KCTD7: variants seen among roughly 807,000 people sequenced by gnomAD.
KCTD7 encodes BTB/POZ domain-containing protein KCTD7.
In KCTD7, 15 loss-of-function variants were observed where a neutral mutation model predicts 27.0. That is an observed-to-expected ratio of 0.56 (90% CI 0.37 to 0.86). KCTD7 has a LOEUF of 0.86. Among genes scored for constraint, KCTD7 ranks in the 40% least tolerant of loss-of-function variants. The pLI is 0.00. For missense variants in KCTD7, 299 were observed against 398.9 expected, an observed-to-expected ratio of 0.75 and a Z score of 2.13; for synonymous variants, 159 against 162.7, an observed-to-expected ratio of 0.98 and a Z score of 0.17.
chr7:66,632,359 C>T lies in KCTD7; in HGVS notation c.145-916C>T, dbSNP rs1055850219. Among the ~76,000 whole-genome samples, 4 of 151,732 alleles carry T rather than the reference C, an allele frequency of 2.6e-5. No homozygotes were observed. The East Asian group carries it at 5.8e-4, about 22-fold the overall frequency. On this transcript the variant is annotated intron_variant, in intron 1 of 3. Transcript: ENST00000639828. Reference sequence around the variant, plus strand: ...AAAATTAGCCAGTCGTGGTGGCAGGCACCTGTAGTCCCAGCTACTCGGGAG... The same window carrying T: ...AAAATTAGCCAGTCGTGGTGGCAGGTACCTGTAGTCCCAGCTACTCGGGAG...
rs976860162 is a variant in KCTD7, at chr7:66,642,787, C to G, written c.*3555C>G. ...GCACTTTTTGGAATTCTGAAAGAAT[C>G]ATATCTGTGTATATACATACTGAGT... On this transcript the variant is annotated 3_prime_UTR_variant, in exon 4 of 4. Transcript: ENST00000639828. 1.0e-6 allele frequency: 1 copy of G among 984,966 alleles called. No homozygotes were observed. The highest frequency in any genetic ancestry group is 4.7e-5 in the South Asian group (1 of 21,256). 61.0% of individuals were successfully genotyped at this position (984,966 alleles called of 1,614,324 possible). A position where few individuals can be genotyped will look rare whatever the true frequency, so the allele number is the denominator to read the frequency against.
In KCTD7 at chr7:66,638,223, T is replaced by G. The variant is rs1226921443; in HGVS notation, c.315-30T>G. The G allele has an allele frequency of 3.7e-6, 6 of 1,613,720 alleles. No homozygotes were observed. In the South Asian group the frequency reaches 5.5e-5, roughly 15 times the overall value. ...GCACTGCCCAGGAGCATAAGCTCCT[T>G]GTCACCGACCCTCTTTCCTTCCTGC... On this transcript the variant is annotated intron_variant, in intron 2 of 3. Coordinates refer to ENST00000639828, the MANE Select transcript of KCTD7 (RefSeq NM_153033.5).
In KCTD7 at chr7:66,629,016, C is replaced by T. The variant is rs374505432; in HGVS notation, c.-49C>T. ...CTCGGCGGTAGGGAGTGCCCGGGGC[C>T]GCCGCCTCCGCCCGCCCGAAGCCGC... On this transcript the variant is annotated 5_prime_UTR_variant, in exon 1 of 4. Transcript: ENST00000639828. The T allele has an allele frequency of 9.1e-5, 134 of 1,473,840 alleles. 2 individuals are homozygous for T. Among genetic ancestry groups the T allele is most frequent in the East Asian group, 8.8e-4 (29 of 32,866 alleles). The allele number at this position is 1,473,840 out of a possible 1,614,324, so 91.3% of individuals were successfully genotyped here. A position where few individuals can be genotyped will look rare whatever the true frequency, so the allele number is the denominator to read the frequency against.
intron 3 of KCTD7, 59 bp from the exon 4 acceptor site, chr7:66,638,797 C>T (rs779076635): frequency 7.4e-5 from 119 of 1,601,580 alleles, no homozygotes; most frequent in Non-Finnish European, 9.0e-5. Context: ...CTCTGTGCAT[C>T]TCTGCTGCCC....
chr7:66,642,877 C>T lies in KCTD7; in HGVS notation c.*3645C>T. 1.0e-6 allele frequency: 1 copy of T among 985,498 alleles called. No individual in the cohort carries two copies. Among genetic ancestry groups the T allele is most frequent in the South Asian group, 4.7e-5 (1 of 21,270 alleles). 61.0% of individuals were successfully genotyped at this position (985,498 alleles called of 1,614,324 possible). Reference sequence around the variant, plus strand: ...AACAAACAGTGAGTATGGGAACAGGCAGTCACCTCGAGTGTGGGAGGTCAC... The same window carrying T: ...AACAAACAGTGAGTATGGGAACAGGTAGTCACCTCGAGTGTGGGAGGTCAC... On this transcript the variant is annotated 3_prime_UTR_variant, in exon 4 of 4. Transcript: ENST00000639828.
At chr7:66,634,113 C>T (rs371437757) in intron 2 of KCTD7, among the ~76,000 whole-genome samples, 24 of 132,248 alleles carry the variant, frequency 1.8e-4, no homozygotes, top group Middle Eastern at 3.8e-3. Context: ...TGTGTGTATA[C>T]ATATATATAT....
At chr7:66,633,592 A>AT in intron 2 of KCTD7, 148 bp downstream of exon 2, 4 of 764,118 alleles carry the variant, frequency 5.2e-6, no homozygotes, top group Non-Finnish European at 4.2e-6. Flanking sequence ...GAAAGAGATC[A>AT]ATTTTTTTTT....
At position 66,640,403 on chromosome 7, in the gene KCTD7, A is replaced by G. The variant is rs1786688648; in HGVS notation, c.*1171A>G. 6.5e-7 allele frequency: 1 copy of G among 1,537,088 alleles called. No homozygotes were observed. Among genetic ancestry groups the G allele is most frequent in the South Asian group, 1.2e-5 (1 of 84,058 alleles). On this transcript the variant is annotated 3_prime_UTR_variant, in exon 4 of 4. Transcript: ENST00000639828. ...TACTCCTCTATTTCAGAAATTGAAA[A>G]AGATCCCCAAGGATCTGTTACTACT...
In KCTD7 at chr7:66,628,982, C is replaced by T. The variant is rs958093696; in HGVS notation, c.-83C>T. ...CAGCCCGCAGCCGGCCGCGTCATGC[C>T]AGGCGCTGCTCGGCGGTAGGGAGTG... is the stretch of plus-strand genomic sequence containing the variant. On this transcript the variant is annotated 5_prime_UTR_variant, in exon 1 of 4. Coordinates refer to ENST00000639828, the MANE Select transcript of KCTD7 (RefSeq NM_153033.5). 1.0e-5 allele frequency: 14 copies of T among 1,387,684 alleles called. No individual in the cohort carries two copies. The highest frequency in any genetic ancestry group is 6.0e-5 in the African/African-American group (4 of 66,196). The allele number at this position is 1,387,684 out of a possible 1,614,324, so 86.0% of individuals were successfully genotyped here.
chr7:66,631,706 G>GAA (rs34184629), intron 1 of KCTD7, among the ~76,000 whole-genome samples: 3 of 144,406 alleles, frequency 2.1e-5, no homozygotes, highest in East Asian at 2.0e-4. Context: ...TGCAAAACAG[G>GAA]AAAAAAAAAA....
chr7:66,640,800 C>A lies in KCTD7; in HGVS notation c.*1568C>A. 1 of 978,010 alleles carries A rather than the reference C, an allele frequency of 1.0e-6. No individual in the cohort carries two copies. The highest frequency in any genetic ancestry group is 4.7e-5 in the South Asian group (1 of 21,398). 60.6% of individuals were successfully genotyped at this position (978,010 alleles called of 1,614,324 possible). On this transcript the variant is annotated 3_prime_UTR_variant, in exon 4 of 4. Coordinates refer to ENST00000639828, the MANE Select transcript of KCTD7 (RefSeq NM_153033.5). ...TACTATGATCGTGCCTGTGGCTAGC[C>A]ACTGTGCTCCAGCCTGGGCAACACC...
At position 66,639,875 on chromosome 7, in the gene KCTD7, C is replaced by A; in HGVS notation, c.*643C>A. On this transcript the variant is annotated 3_prime_UTR_variant, in exon 4 of 4. Coordinates refer to ENST00000639828, the MANE Select transcript of KCTD7 (RefSeq NM_153033.5). ...ACCATAGCTGCCAAAGCTATGCACCCAGTTGGCCTTAGAAAACCACAATGT... is the reference window on the plus strand; with the variant it reads ...ACCATAGCTGCCAAAGCTATGCACCAAGTTGGCCTTAGAAAACCACAATGT... 2.4e-6 allele frequency: 3 copies of A among 1,246,004 alleles called. No individual in the cohort carries two copies. The highest frequency in any genetic ancestry group is 3.0e-6 in the Non-Finnish European group (3 of 996,134). 77.2% of individuals were successfully genotyped at this position (1,246,004 alleles called of 1,614,324 possible).
Position 66,629,107 on chromosome 7 carries a change from G to C in KCTD7, c.43G>C (p.Asp15His), listed in dbSNP as rs1174207085. 1.3e-6 allele frequency: 2 copies of C among 1,542,418 alleles called. No homozygotes were observed. The highest frequency in any genetic ancestry group is 1.7e-6 in the Non-Finnish European group (2 of 1,146,994). The change falls in exon 1 of 4, where the codon GAC becomes CAC. Residue 15 changes from aspartate (D) to histidine (H), a missense_variant. Physicochemically the swap from Asp to His is moderately conservative, Grantham distance 81. Transcript: ENST00000639828. ...GCGGGAGCCAGACAGCCGTCGTCAGGACGGTGCCATGTCCAGCTCTGACGC... is the reference window on the plus strand; with the variant it reads ...GCGGGAGCCAGACAGCCGTCGTCAGCACGGTGCCATGTCCAGCTCTGACGC... ...TGREPDSRRQ[D>H]GAMSSSDAED...
intron 2 of KCTD7, among the ~76,000 whole-genome samples, chr7:66,637,606 T>C (rs1786617811): frequency 6.6e-6 from 1 of 152,188 alleles, no homozygotes; most frequent in South Asian, 2.1e-4. Context: ...AAACATTATG[T>C]TAAAGGAAAG....
chr7:66,629,274 A>T, intron 1 of KCTD7, 66 bp downstream of exon 1: 1 of 520,442 alleles, frequency 1.9e-6, no homozygotes, highest in Non-Finnish European at 2.6e-6. Flanking sequence ...GGCGCGGGGC[A>T]TAGCGGTCCT....
At chr7:66,631,331 G>C (rs927156450) in intron 1 of KCTD7, among the ~76,000 whole-genome samples, 9 of 152,198 alleles carry the variant, frequency 5.9e-5, no homozygotes, top group Non-Finnish European at 1.3e-4. Flanking sequence ...CACTTTGGGA[G>C]GCCAAGGCAG....
chr7:66,628,925 C>A lies in KCTD7; in HGVS notation c.-140C>A. 2.4e-6 allele frequency: 2 copies of A among 826,634 alleles called. No homozygotes were observed. The highest frequency in any genetic ancestry group is 1.7e-6 in the Non-Finnish European group (1 of 597,080). The allele number at this position is 826,634 out of a possible 1,614,324, so 51.2% of individuals were successfully genotyped here. On this transcript the variant is annotated 5_prime_UTR_variant, in exon 1 of 4. Coordinates refer to ENST00000639828, the MANE Select transcript of KCTD7 (RefSeq NM_153033.5). ...GGCGTTGAGGGAGCCACCGCCCTCC[C>A]GCCTGCGCACTGCCTCTCGCCCCCC...
intron 2 of KCTD7, 41 bp from the exon 3 acceptor site, chr7:66,638,212 C>T: frequency 1.2e-6 from 2 of 1,610,010 alleles, no homozygotes; most frequent in South Asian, 2.2e-5. Context: ...TGCCCAGGAG[C>T]ATAAGCTCCT....
intron 1 of KCTD7, among the ~76,000 whole-genome samples, chr7:66,630,703 T>C (rs1786424533): frequency 6.6e-6 from 1 of 152,164 alleles, no homozygotes; most frequent in Non-Finnish European, 1.5e-5. Context: ...AAAAAGTCAT[T>C]AGTCACAGTG....
Sources: allele counts gnomAD v4.1 joint callset (sites outside exome capture counted in the v4.1 genomes callset), GRCh38; gene constraint gnomAD v4.1.1; transcripts MANE v1.5; gene names NCBI Gene and HGNC (gene_info 2026-07-23, HGNC 2026-07-21).